METTL15: variants seen among roughly 807,000 people sequenced by gnomAD.
The protein encoded by METTL15 is methyltransferase 15, mitochondrial 12S rRNA N4-cytidine, also known as 12S rRNA N(4)-cytidine methyltransferase METTL15.
Under a neutral mutation model 38.3 loss-of-function variants are expected in METTL15, and 34 were observed. The observed-to-expected ratio is 0.89, with a 90% CI of 0.68 to 1.18. METTL15 has a LOEUF of 1.18. METTL15 is among the 50% of genes most tolerant of loss of function. The pLI is 0.00. For missense variants in METTL15, 438 were observed against 498.4 expected (o/e 0.88, Z 1.15); for synonymous variants, 162 against 170.9 (o/e 0.95, Z 0.41).
At chr11:28,376,832 G>T (rs982465700) in intron 5 of METTL15, among the ~76,000 whole-genome samples, 10 of 147,222 alleles carry the variant, frequency 6.8e-5, no homozygotes, top group Admixed American at 2.8e-4. Flanking sequence ...GCTTCCTTCA[G>T]GAGCTCTTTT....
intron 5 of METTL15, among the ~76,000 whole-genome samples, chr11:28,366,873 G>T (rs1281418477): frequency 6.6e-6 from 1 of 152,068 alleles, no homozygotes; most frequent in Non-Finnish European, 1.5e-5. Flanking sequence ...AGTCCAAAAG[G>T]TCTTTATGAG....
intron 3 of METTL15, among the ~76,000 whole-genome samples, chr11:28,194,122 A>ATTCTTTCTTTCTTTCTT (rs370908175): frequency 2.0e-5 from 2 of 99,078 alleles, no homozygotes; most frequent in East Asian, 6.6e-4. Context: ...TTGATGGTTG[A>ATTCTTTCTTTCTTTCTT]TCTTTCTTTC....
At chr11:28,157,396 T>G (rs1850299592) in intron 3 of METTL15, among the ~76,000 whole-genome samples, 1 of 152,152 alleles carries the variant, frequency 6.6e-6, no homozygotes, top group African/African-American at 2.4e-5. Context: ...CAGTGGTGCT[T>G]AAGGTGTCAG....
chr11:28,113,217 T>TGAGAA (rs1851788283), intron 2 of METTL15, 101 bp from the exon 3 acceptor site: 1 of 779,856 alleles, frequency 1.3e-6, no homozygotes, highest in Non-Finnish European at 2.0e-6. Context: ...TCTTAACTTT[T>TGAGAA]TTTTGATGTG....
chr11:28,293,640 C>G (rs931165278), intron 5 of METTL15, among the ~76,000 whole-genome samples: 16 of 132,392 alleles, frequency 1.2e-4, no homozygotes, highest in African/African-American at 4.5e-4. Flanking sequence ...TATAAATTAC[C>G]TTGGGCAGTA....
chr11:28,407,317 C>T (rs1322973082), intron 5 of METTL15, among the ~76,000 whole-genome samples: 1 of 152,064 alleles, frequency 6.6e-6, no homozygotes, highest in East Asian at 1.9e-4. Context: ...CAAATGGGAT[C>T]TAATTAAACC....
At chr11:28,169,787 GT>G (rs1850787613) in intron 3 of METTL15, among the ~76,000 whole-genome samples, 1 of 145,484 alleles carries the variant, frequency 6.9e-6, no homozygotes, top group Non-Finnish European at 1.5e-5. Context: ...AAAACACTTG[GT>G]TTTCAAAACC....
chr11:28,171,679 C>T (rs773466382), intron 3 of METTL15, among the ~76,000 whole-genome samples: 1 of 152,084 alleles, frequency 6.6e-6, no homozygotes, highest in African/African-American at 2.4e-5. Context: ...CAGAAAACCT[C>T]ATATTCTTGA....
chr11:28,241,638 G>T, intron 4 of METTL15, among the ~76,000 whole-genome samples: 1 of 152,058 alleles, frequency 6.6e-6, no homozygotes, highest in East Asian at 1.9e-4. Flanking sequence ...GATAAATAGG[G>T]TCTCAAGAAT....
At chr11:28,196,775 G>A (rs145411347) in intron 3 of METTL15, among the ~76,000 whole-genome samples, 103 of 151,720 alleles carry the variant, frequency 6.8e-4, no homozygotes, top group African/African-American at 2.3e-3. Context: ...AAGTCAACTG[G>A]CCACTTTGAA....
chr11:28,393,729 C>T (rs2133396299), intron 5 of METTL15, among the ~76,000 whole-genome samples: 1 of 152,160 alleles, frequency 6.6e-6, no homozygotes, highest in Middle Eastern at 3.4e-3. Flanking sequence ...AATTACACAC[C>T]ATTACTTCTT....
intron 5 of METTL15, among the ~76,000 whole-genome samples, chr11:28,380,995 A>G (rs1308417869): frequency 6.6e-6 from 1 of 151,572 alleles, no homozygotes; most frequent in Admixed American, 6.6e-5. Context: ...TTTGTCTTTG[A>G]TCTTTTTTGT....
chr11:28,123,723 A>T lies in METTL15; in HGVS notation c.270+10119A>T, dbSNP rs573552986. 73 of 487,464 alleles carry T rather than the reference A, an allele frequency of 1.5e-4. No individual in the cohort carries two copies. The South Asian group carries it at 3.7e-3, about 25-fold the overall frequency. 30.2% of individuals were successfully genotyped at this position (487,464 alleles called of 1,614,324 possible). The stretch of plus-strand genomic sequence containing the variant: ...AATGTTTGAGATGTCATTTTATCAA[A>T]TTACATGCTAATTTAGGCATATATT... On this transcript the variant is annotated intron_variant, in intron 3 of 6. Coordinates refer to ENST00000407364, the MANE Select transcript of METTL15 (RefSeq NM_001113528.2).
intron 3 of METTL15, among the ~76,000 whole-genome samples, chr11:28,146,787 TA>T (rs917089100): frequency 6.6e-6 from 1 of 151,960 alleles, no homozygotes; most frequent in African/African-American, 2.4e-5. Context: ...TTTTACTTAA[TA>T]AAAAACAAAT....
intron 3 of METTL15, among the ~76,000 whole-genome samples, chr11:28,351,357 C>T (rs987918326): frequency 1.3e-5 from 2 of 152,098 alleles, no homozygotes; most frequent in African/African-American, 4.8e-5. Flanking sequence ...GCAATCCAGT[C>T]CACCCACCTC....
intron 6 of METTL15, among the ~76,000 whole-genome samples, chr11:28,523,945 G>A (rs1851787861): frequency 6.6e-6 from 1 of 152,188 alleles, no homozygotes; most frequent in Non-Finnish European, 1.5e-5. Context: ...CACAGAGTGG[G>A]TAGAGGCCAA....
At chr11:28,122,243 G>A (rs1852274466) in intron 3 of METTL15, 4 of 1,107,394 alleles carry the variant, frequency 3.6e-6, no homozygotes, top group African/African-American at 1.7e-5. Flanking sequence ...AAAATGCTTT[G>A]TTCATATCAT....
intron 6 of METTL15, among the ~76,000 whole-genome samples, chr11:28,439,049 G>A (rs1194219460): frequency 6.6e-6 from 1 of 151,384 alleles, no homozygotes; most frequent in East Asian, 1.9e-4. Context: ...TGTAAGTGCT[G>A]TGATGGATGT....
chr11:28,123,673 G>A (rs1852347277), intron 3 of METTL15, among the ~76,000 whole-genome samples: 1 of 151,910 alleles, frequency 6.6e-6, no homozygotes, highest in South Asian at 2.1e-4. Context: ...CTGTTGGTCT[G>A]TATAAACTAT....
Sources: gnomAD v4.1 joint callset for allele counts (sites outside exome capture counted in the v4.1 genomes callset) on GRCh38, gnomAD v4.1.1 for gene constraint, MANE v1.5 for transcripts, NCBI Gene and HGNC (gene_info 2026-07-23, HGNC 2026-07-21) for gene names.